DNAAF1: variants seen among roughly 807,000 people sequenced by gnomAD.
The protein encoded by DNAAF1 is dynein axonemal assembly factor 1.
Under a neutral mutation model 71.1 loss-of-function variants are expected in DNAAF1, and 65 were observed. The ratio of observed to expected loss-of-function variants is 0.91; its 90% CI spans 0.75 to 1.12. The LOEUF (loss-of-function observed/expected upper bound fraction) is 1.12, where lower values mean the gene tolerates loss of function less well. Among genes scored for constraint, DNAAF1 ranks in the 50% most tolerant of loss-of-function variants. The pLI is 0.00. For missense variants in DNAAF1, 1,178 were observed against 899.8 expected, an observed-to-expected ratio of 1.31 and a Z score of -3.96; for synonymous variants, 414 against 354.6, an observed-to-expected ratio of 1.17 and a Z score of -1.88.
intron 1 of DNAAF1, among the ~76,000 whole-genome samples, chr16:84,146,878 C>T (rs747413732): frequency 1.3e-5 from 2 of 152,188 alleles, no homozygotes; most frequent in Admixed American, 1.3e-4. Flanking sequence ...ACGCAGGCAA[C>T]AAATAAACCA....
chr16:84,160,660 C>A (rs181101997), intron 6 of DNAAF1, among the ~76,000 whole-genome samples: 324 of 152,210 alleles, frequency 2.1e-3, no homozygotes, highest in Non-Finnish European at 3.7e-3. Context: ...CAGGGCCGGG[C>A]GTGGTGGCTC....
At chr16:84,155,097 A>T (rs569555701) in intron 4 of DNAAF1, among the ~76,000 whole-genome samples, 25 of 152,028 alleles carry the variant, frequency 1.6e-4, no homozygotes, top group Admixed American at 1.5e-3. Context: ...TTTAGTAGAG[A>T]CGGGGTTTCA....
intron 6 of DNAAF1, among the ~76,000 whole-genome samples, chr16:84,162,688 G>T (rs1223742630): frequency 6.6e-6 from 1 of 151,884 alleles, no homozygotes; most frequent in Non-Finnish European, 1.5e-5. Flanking sequence ...GTGTGGTGGC[G>T]GGCGCCTGTA....
intron 6 of DNAAF1, among the ~76,000 whole-genome samples, chr16:84,163,213 G>A (rs2087797317): frequency 6.6e-6 from 1 of 152,028 alleles, no homozygotes; most frequent in Non-Finnish European, 1.5e-5. Context: ...TGAAATTTCT[G>A]GGTCATACAG....
At chr16:84,155,316 C>G (rs1182807777) in intron 4 of DNAAF1, among the ~76,000 whole-genome samples, 1 of 152,160 alleles carries the variant, frequency 6.6e-6, no homozygotes, top group Non-Finnish European at 1.5e-5. Context: ...GCAGCCTTGA[C>G]CTCCTGGTCT....
intron 6 of DNAAF1, among the ~76,000 whole-genome samples, chr16:84,165,135 G>A (rs11865142): frequency 0.036 from 5,509 of 152,076 alleles, 303 homozygotes; most frequent in African/African-American, 0.13. Context: ...AAAGTTCTTT[G>A]TATGTTTTGG....
intron 11 of DNAAF1, 109 bp from the exon 12 acceptor site, chr16:84,177,620 C>A (rs755495183): frequency 3.3e-6 from 3 of 901,330 alleles, no homozygotes; most frequent in East Asian, 4.9e-5. Context: ...TGAGCCACCA[C>A]GCCCAGTTGA....
At chr16:84,154,898 T>A in intron 4 of DNAAF1, 100 bp downstream of exon 4, 1 of 1,103,726 alleles carries the variant, frequency 9.1e-7, no homozygotes, top group Non-Finnish European at 1.4e-6. Flanking sequence ...GAAGTGGTGT[T>A]TTTTTTTGTC....
intron 7 of DNAAF1, among the ~76,000 whole-genome samples, chr16:84,168,201 C>T (rs7195749): frequency 0.012 from 1,815 of 152,236 alleles, 47 homozygotes; most frequent in African/African-American, 0.042. Flanking sequence ...TTCCCTGGCT[C>T]GTGGCCCCTT....
chr16:84,151,989 G>A (rs578241778), intron 3 of DNAAF1, among the ~76,000 whole-genome samples: 6 of 152,208 alleles, frequency 3.9e-5, no homozygotes, highest in South Asian at 2.1e-4. Flanking sequence ...TTACTGCATC[G>A]CTAACATGAA....
rs757727188 is a variant in DNAAF1 at position 84,170,019 on chromosome 16, G to T, written c.1191G>T (p.Glu397Asp). Residue 397 changes from glutamate to aspartate, a missense_variant, in exon 8 of 12, where the codon GAG becomes GAT. Transcript: ENST00000378553. ...TCTGCCCGGAAAAGCCAAGTGGAGA[G>T]GAGCCGCCTGTGGAGGCTAAAAGAG... ...DELCPEKPSG[E>D]EPPVEAKRED... The T allele has an allele frequency of 6.2e-7, 1 of 1,613,892 alleles. No homozygotes were observed. The highest frequency in any genetic ancestry group is 8.5e-7 in the Non-Finnish European group (1 of 1,180,030).
At chr16:84,149,255 A>G (rs896605547) in intron 2 of DNAAF1, 113 bp downstream of exon 2, 1 of 1,341,468 alleles carries the variant, frequency 7.5e-7, no homozygotes, top group Non-Finnish European at 1.1e-6. Context: ...TTGCCTGCCC[A>G]ATGTCTGAGA....
At chr16:84,166,829 T>C (rs914347797) in intron 7 of DNAAF1, among the ~76,000 whole-genome samples, 2 of 152,226 alleles carry the variant, frequency 1.3e-5, no homozygotes, top group African/African-American at 4.8e-5. Flanking sequence ...GATGTATTAG[T>C]TTTCTGCGGC....
chr16:84,154,754 C>T lies in DNAAF1; in HGVS notation c.530C>T (p.Ala177Val). Residue 177 changes from alanine to valine, a missense_variant, in exon 4 of 12, where the codon GCT (alanine) becomes GTT (valine). Physicochemically the swap from Ala to Val is moderately conservative, Grantham distance 64 (BLOSUM62 0). Transcript: ENST00000378553. ...CTGGAACCTCTGCAGAAACTGGATG[C>T]TCTTAACCTCAGCAACAATTACATC... The part of the protein sequence containing the change: ...ENLEPLQKLD[A>V]LNLSNNYIKT... 6.2e-7 allele frequency: 1 copy of T among 1,614,164 alleles called. No individual in the cohort carries two copies. The highest frequency in any genetic ancestry group is 8.5e-7 in the Non-Finnish European group (1 of 1,180,020).
At chr16:84,177,682 C>G (rs370548345) in intron 11 of DNAAF1, 47 bp from the exon 12 acceptor site, 3 of 1,509,132 alleles carry the variant, frequency 2.0e-6, no homozygotes, top group Non-Finnish European at 2.8e-6. Flanking sequence ...CCTGTCCTTG[C>G]AGTCACAGTG....
chr16:84,148,759 T>G (rs1264601319), intron 1 of DNAAF1, among the ~76,000 whole-genome samples: 1 of 151,114 alleles, frequency 6.6e-6, no homozygotes, highest in Non-Finnish European at 1.5e-5. Context: ...CCACTACATC[T>G]GGCTAATTTT....
Position 84,165,955 on chromosome 16 carries a change from C to G in DNAAF1, c.1030+6C>G. The stretch of plus-strand genomic sequence containing the variant: ...GAGAGAGAGTCAAGAGAGAGGTATG[C>G]GCTCGGCCGAAGACAACAGCCCCAG... On this transcript the variant is annotated splice_donor_region_variant and intron_variant, in intron 7 of 11. Transcript: ENST00000378553. 6.2e-7 allele frequency: 1 copy of G among 1,610,850 alleles called. No homozygotes were observed. The highest frequency in any genetic ancestry group is 1.1e-5 in the South Asian group (1 of 90,978).
Position 84,155,743 on chromosome 16 carries a change from C to T in DNAAF1, c.735C>T (p.Pro245=), listed in dbSNP as rs139566676. ...PEILSILESM[P]DLRVLNLMGN... ...TCCTGAGCATTCTGGAAAGCATGCCCGATTTGGTAAAAAACAAAAACAAAA... is the reference window on the plus strand; with the variant it reads ...TCCTGAGCATTCTGGAAAGCATGCCTGATTTGGTAAAAAACAAAAACAAAA... Residue 245 remains proline (P), a synonymous_variant, in exon 5 of 12, where the codon CCC becomes CCT. Transcript: ENST00000378553. 86 of 1,613,976 alleles carry T rather than the reference C, an allele frequency of 5.3e-5. No individual in the cohort carries two copies. In the African/African-American group the frequency reaches 5.5e-4, roughly 10 times the overall value.
chr16:84,158,123 C>T (rs996073593), intron 5 of DNAAF1, among the ~76,000 whole-genome samples: 3 of 151,890 alleles, frequency 2.0e-5, no homozygotes, highest in Non-Finnish European at 2.9e-5. Flanking sequence ...GAGAATGGCG[C>T]GAACCTGGGA....
Sources: gnomAD v4.1 joint callset for allele counts (sites outside exome capture counted in the v4.1 genomes callset) on GRCh38, gnomAD v4.1.1 for gene constraint, MANE v1.5 for transcripts, NCBI Gene and HGNC (gene_info 2026-07-23, HGNC 2026-07-21) for gene names.